The following GHR variants were observed in gnomAD, a reference collection of about 807,000 sequenced individuals.
GHR encodes GH receptor.
GHR carries 35 observed loss-of-function variants against 67.1 expected under a neutral mutation model. The ratio of observed to expected loss-of-function variants is 0.52; its 90% CI spans 0.40 to 0.69. GHR has a LOEUF of 0.69. Ranked by LOEUF, GHR falls within the 30% of genes least tolerant of loss-of-function variation. GHR has a pLI of 0.00. For missense variants in GHR, 792 were observed against 764.6 expected (o/e 1.04, Z -0.42); for synonymous variants, 272 against 269.1 (o/e 1.01, Z -0.10).
At chr5:42,559,879 G>T (rs1330637740) in intron 1 of GHR, among the ~76,000 whole-genome samples, 1 of 152,152 alleles carries the variant, frequency 6.6e-6, no homozygotes, top group African/African-American at 2.4e-5. Context: ...CATGCCTGGT[G>T]CTAATGAAAA....
At chr5:42,641,724 A>C (rs534695077) in intron 3 of GHR, among the ~76,000 whole-genome samples, 29 of 152,308 alleles carry the variant, frequency 1.9e-4, no homozygotes, top group African/African-American at 6.5e-4. Context: ...GTCTTGGGTA[A>C]CTTCCCTAAA....
At chr5:42,602,665 T>C (rs1396952882) in intron 2 of GHR, among the ~76,000 whole-genome samples, 1 of 152,178 alleles carries the variant, frequency 6.6e-6, no homozygotes, top group Non-Finnish European at 1.5e-5. Flanking sequence ...GTAACTTCTA[T>C]ATATTTTTTC....
intron 1 of GHR, among the ~76,000 whole-genome samples, chr5:42,469,090 A>G (rs1349786463): frequency 1.3e-5 from 2 of 152,264 alleles, no homozygotes; most frequent in African/African-American, 2.4e-5. Flanking sequence ...AGATAATACT[A>G]TTGTAGAAAG....
In GHR at chr5:42,583,898, A is replaced by ATATATAT. The variant is rs1452845926; in HGVS notation, c.70+17954_70+17955insTATATAT. On this transcript the variant is annotated intron_variant, in intron 2 of 9. Transcript: ENST00000230882. ...ATAAAGATATATATATATATATATA[A>ATATATAT]ATTCTTACAGTTTAGAAGCTTCCAG... 1.6e-3 allele frequency among the ~76,000 whole-genome samples: 234 copies of ATATATAT among 145,736 alleles called. 2 individuals are homozygous for ATATATAT. The highest frequency in any genetic ancestry group is 3.5e-3 in the Middle Eastern group (1 of 282).
intron 2 of GHR, among the ~76,000 whole-genome samples, chr5:42,586,676 C>T (rs1751492768): frequency 6.6e-6 from 1 of 152,148 alleles, no homozygotes; most frequent in African/African-American, 2.4e-5. Flanking sequence ...AGAGTGAAGC[C>T]TCGGGACTTC....
chr5:42,561,055 C>T (rs917962787), intron 1 of GHR, among the ~76,000 whole-genome samples: 3 of 152,196 alleles, frequency 2.0e-5, no homozygotes, highest in African/African-American at 7.2e-5. Flanking sequence ...ACCTTGTTCT[C>T]TATTCACCAG....
At chr5:42,616,216 A>G (rs1753139736) in intron 2 of GHR, among the ~76,000 whole-genome samples, 1 of 152,058 alleles carries the variant, frequency 6.6e-6, no homozygotes, top group Admixed American at 6.6e-5. Context: ...TAATTGAAGG[A>G]AGGCAAAAGT....
At chr5:42,542,486 G>T in intron 1 of GHR, among the ~76,000 whole-genome samples, 1 of 152,118 alleles carries the variant, frequency 6.6e-6, no homozygotes. Flanking sequence ...GGGGAGCAGA[G>T]AAATGGGTCA....
intron 3 of GHR, among the ~76,000 whole-genome samples, chr5:42,640,175 G>C (rs987761583): frequency 6.6e-6 from 1 of 152,146 alleles, no homozygotes; most frequent in African/African-American, 2.4e-5. Context: ...CTTATCAGTG[G>C]TTGTGGCAAA....
In GHR at chr5:42,662,169, G is replaced by C. The variant is rs374364972; in HGVS notation, c.137-26721G>C. The stretch of plus-strand genomic sequence containing the variant: ...ACAATAATAATGGGAGACTTTAACA[G>C]CCCACTGTCAACATTAGACAGATCA... On this transcript the variant is annotated intron_variant, in intron 3 of 9. Coordinates refer to ENST00000230882, the MANE Select transcript of GHR (RefSeq NM_000163.5). Among the ~76,000 whole-genome samples, 187 of 152,184 alleles carry C rather than the reference G, an allele frequency of 1.2e-3. 1 individual carries two copies. The East Asian group carries it at 0.02, about 17-fold the overall frequency.
At chr5:42,539,381 C>T (rs574268648) in intron 1 of GHR, among the ~76,000 whole-genome samples, 1 of 152,276 alleles carries the variant, frequency 6.6e-6, no homozygotes, top group South Asian at 2.1e-4. Context: ...GTAGTACTCT[C>T]CCTATTTTCC....
rs181874720 is a variant in GHR at position 42,679,518 on chromosome 5, A to G, written c.137-9372A>G. Among the ~76,000 whole-genome samples the G allele has an allele frequency of 2.3e-3, 343 of 152,084 alleles. 1 individual carries two copies. The highest frequency in any genetic ancestry group is 8.0e-3 in the African/African-American group (331 of 41,478). ...CACGCACCTGTAGTCCCAGCTATGC[A>G]GGAGGCTGAGGCAGGAGAATCACTT... is the stretch of plus-strand genomic sequence containing the variant. On this transcript the variant is annotated intron_variant, in intron 3 of 9. Transcript: ENST00000230882.
At chr5:42,551,607 A>G (rs1445288638) in intron 1 of GHR, among the ~76,000 whole-genome samples, 1 of 152,146 alleles carries the variant, frequency 6.6e-6, no homozygotes, top group Non-Finnish European at 1.5e-5. Context: ...AACTGGGTGA[A>G]CCCTGATCTC....
chr5:42,527,402 G>A (rs568848174), intron 1 of GHR, among the ~76,000 whole-genome samples: 12 of 152,198 alleles, frequency 7.9e-5, no homozygotes, highest in South Asian at 2.1e-4. Context: ...GAAAAAGCAG[G>A]GGTTGCAATC....
chr5:42,535,123 G>A (rs903306383), intron 1 of GHR, among the ~76,000 whole-genome samples: 4 of 152,062 alleles, frequency 2.6e-5, no homozygotes, highest in Non-Finnish European at 4.4e-5. Flanking sequence ...CATTTACTCT[G>A]CTGACTGTTC....
chr5:42,699,687 A>G, intron 5 of GHR, 137 bp from the exon 6 acceptor site: 1 of 698,446 alleles, frequency 1.4e-6, no homozygotes, highest in Non-Finnish European at 2.6e-6. Flanking sequence ...TGAAAGTTAT[A>G]ATAAGAAAAA....
Position 42,719,238 on chromosome 5 carries a change from G to A in GHR, c.1731G>A (p.Gly577=). 6.2e-7 allele frequency: 1 copy of A among 1,614,048 alleles called. No individual in the cohort carries two copies. The highest frequency in any genetic ancestry group is 2.2e-5 in the East Asian group (1 of 44,872). ...CAGAAAGCCTTACCACTGCTGCTGGGAGGCCTGGGACAGGAGAACATGTTC... is the reference window on the plus strand; with the variant it reads ...CAGAAAGCCTTACCACTGCTGCTGGAAGGCCTGGGACAGGAGAACATGTTC... ...ITTESLTTAA[G]RPGTGEHVPG... Residue 577 remains glycine (G), a synonymous_variant, in exon 10 of 10, where the codon GGG becomes GGA. Transcript: ENST00000230882.
intron 1 of GHR, among the ~76,000 whole-genome samples, chr5:42,440,415 G>T (rs1199276396): frequency 6.6e-6 from 1 of 151,988 alleles, no homozygotes; most frequent in African/African-American, 2.4e-5. Flanking sequence ...GATCCAGGAA[G>T]ATACTTAGTA....
At chr5:42,467,353 G>T in intron 1 of GHR, 1 of 1,006,152 alleles carries the variant, frequency 9.9e-7, no homozygotes, top group Non-Finnish European at 1.6e-6. Context: ...TGCAATCTGC[G>T]TAAAGGCTTT....
Sources: allele counts gnomAD v4.1 joint callset (sites outside exome capture counted in the v4.1 genomes callset), GRCh38; gene constraint gnomAD v4.1.1; transcripts MANE v1.5; gene names NCBI Gene and HGNC (gene_info 2026-07-23, HGNC 2026-07-21).